Variants in NCKAP5L observed in about 807,000 individuals in gnomAD.
NCKAP5L encodes nck-associated protein 5-like.
In NCKAP5L, 54 loss-of-function variants were observed where a neutral mutation model predicts 103.2. That is an observed-to-expected ratio of 0.52 (90% CI 0.42 to 0.66). NCKAP5L has a LOEUF of 0.66. Ranked by LOEUF, NCKAP5L falls within the 30% of genes least tolerant of loss-of-function variation. The pLI is 0.00. For missense variants in NCKAP5L, 1,733 were observed against 1,750.6 expected (o/e 0.99, Z 0.18); for synonymous variants, 762 against 748.6 (o/e 1.02, Z -0.29).
intron 8 of NCKAP5L, among the ~76,000 whole-genome samples, chr12:49,794,158 C>T (rs539958016): frequency 6.6e-5 from 10 of 152,306 alleles, no homozygotes; most frequent in Admixed American, 5.9e-4. Flanking sequence ...AGCCTAGAGA[C>T]TGCTTGATGG....
intron 1 of NCKAP5L, among the ~76,000 whole-genome samples, chr12:49,810,147 A>G (rs1946223418): frequency 7.3e-6 from 1 of 137,264 alleles, no homozygotes; most frequent in Admixed American, 7.4e-5. Flanking sequence ...TCCACAGCAT[A>G]ACCCAGTAAC....
intron 10 of NCKAP5L, 59 bp from the exon 11 acceptor site, chr12:49,793,045 G>T: frequency 1.5e-6 from 2 of 1,308,292 alleles, no homozygotes; most frequent in Non-Finnish European, 2.0e-6. Context: ...TCCCCGGCCT[G>T]CCTCCACTTC....
Position 49,791,960 on chromosome 12 carries a change from C to A in NCKAP5L, c.3884G>T (p.Ser1295Ile). The A allele has an allele frequency of 6.2e-7, 1 of 1,611,318 alleles. No individual in the cohort carries two copies. Among genetic ancestry groups the A allele is most frequent in the African/African-American group, 1.3e-5 (1 of 75,006 alleles). Residue 1295 changes from serine (S) to isoleucine (I), a missense_variant, in exon 13 of 13, where the codon AGC becomes ATC. Coordinates refer to ENST00000335999, the MANE Select transcript of NCKAP5L (RefSeq NM_001037806.4). ...GCCTTCCTCGGCCATGTCCGAAGTG[C>A]TGGGGGTGCGGCTACCCCCGAAAGG... is the stretch of plus-strand genomic sequence containing the variant. ...GPPFGGSRTPSTSDMAEEGRV... is the reference protein window; with the variant it reads ...GPPFGGSRTPITSDMAEEGRV...
chr12:49,813,344 G>A (rs1215766802), intron 1 of NCKAP5L, among the ~76,000 whole-genome samples: 1 of 152,180 alleles, frequency 6.6e-6, no homozygotes, highest in South Asian at 2.1e-4. Flanking sequence ...CCCAGTAAGT[G>A]TGAAGTGAGA....
chr12:49,797,358 C>T lies in NCKAP5L; in HGVS notation c.502G>A (p.Gly168Ser), dbSNP rs1259609133. 2 of 1,610,126 alleles carry T rather than the reference C, an allele frequency of 1.2e-6. No homozygotes were observed. Among genetic ancestry groups the T allele is most frequent in the African/African-American group, 1.3e-5 (1 of 74,992 alleles). The change falls in exon 8 of 13, where the codon GGC becomes AGC. Residue 168 changes from glycine to serine, a missense_variant. Physicochemically the swap from Gly to Ser is moderately conservative, Grantham distance 56. Transcript: ENST00000335999. The surrounding 1 kb of genome is among the most constrained non-coding windows in gnomAD (Gnocchi z 4.5). ...WEQQLRPGGP[G>S]PPAAPPPALD... ...GCTGGGGGTGGGGCGGCTGGGGGGC[C>T]TGGGCCTCCTGGCCTCAGCTGCTGC... is the stretch of plus-strand genomic sequence containing the variant.
chr12:49,822,693 C>T (rs1391754000), intron 1 of NCKAP5L, among the ~76,000 whole-genome samples: 1 of 151,628 alleles, frequency 6.6e-6, no homozygotes, highest in Non-Finnish European at 1.5e-5. Flanking sequence ...ACTACAGGTT[C>T]ACACCACCAC....
In NCKAP5L at chr12:49,794,993, A is replaced by G; in HGVS notation, c.2867T>C (p.Met956Thr). 6.3e-7 allele frequency: 1 copy of G among 1,595,576 alleles called. No individual in the cohort carries two copies. Among genetic ancestry groups the G allele is most frequent in the Non-Finnish European group, 8.5e-7 (1 of 1,171,922 alleles). Reference protein sequence around the residue: ...GGSPLRREVKMEARKLEAESL... With the variant: ...GGSPLRREVKTEARKLEAESL... ...CTCGGCCTCCAGCTTCCGGGCTTCC[A>G]TCTTGACTTCCCTCCGGAGCGGGGA... The change falls in exon 8 of 13, where the codon ATG (methionine) becomes ACG (threonine). Residue 956 changes from methionine to threonine, a missense_variant. Met to Thr is a moderately conservative substitution (Grantham distance 81, BLOSUM62 -1). Transcript: ENST00000335999.
chr12:49,801,693 C>T (rs1390302523), intron 6 of NCKAP5L, among the ~76,000 whole-genome samples, 155 bp downstream of exon 6: 1 of 152,146 alleles, frequency 6.6e-6, no homozygotes, highest in African/African-American at 2.4e-5. Context: ...ACGGCCAAAC[C>T]CAGGGGACTT....
rs746983191 is a variant in NCKAP5L, at chr12:49,796,321, TG to T, written c.1538del (p.Pro513GlnfsTer75). 2 of 1,543,326 alleles carry T rather than the reference TG, an allele frequency of 1.3e-6. No individual in the cohort carries two copies. Among genetic ancestry groups the T allele is most frequent in the Non-Finnish European group, 1.7e-6 (2 of 1,145,048 alleles). On this transcript the variant is annotated frameshift_variant, in exon 8 of 13. Coordinates refer to ENST00000335999, the MANE Select transcript of NCKAP5L (RefSeq NM_001037806.4). LOFTEE classifies it high-confidence loss of function. ...TGGTGGGCAGGCCTTGCGCCCCCTC[TG>T]GGGACAGCTCTCCTCCACCCAGACC... ...RRGLGGGELS[P>X]EGAQGLPTSP...
chr12:49,797,071 ACCC>A lies in NCKAP5L; in HGVS notation c.786_788del (p.Gly263del). The A allele has an allele frequency of 6.3e-7, 1 of 1,576,840 alleles. No individual in the cohort carries two copies. The highest frequency in any genetic ancestry group is 8.6e-7 in the Non-Finnish European group (1 of 1,162,064). ...GCCCAGTGTCCTCTTCCCCTCCCAGACCCCCCAAGAGGCGCTCCCAGTGCAGCA... is the reference window on the plus strand; with the variant it reads ...GCCCAGTGTCCTCTTCCCCTCCCAGACCCAAGAGGCGCTCCCAGTGCAGCA... On this transcript the variant is annotated inframe_deletion, in exon 8 of 13. Transcript: ENST00000335999. The surrounding 1 kb of genome is among the most constrained non-coding windows in gnomAD (Gnocchi z 4.5).
chr12:49,800,136 G>A (rs747881261), intron 6 of NCKAP5L, among the ~76,000 whole-genome samples: 10 of 152,180 alleles, frequency 6.6e-5, no homozygotes, highest in Non-Finnish European at 1.5e-4. Context: ...CAGAGGTTGC[G>A]GTGAGCCGAG....
In NCKAP5L at chr12:49,797,536, A is replaced by C. The variant is rs573879057; in HGVS notation, c.466-142T>G. 513 of 645,624 alleles carry C rather than the reference A, an allele frequency of 7.9e-4. 1 individual carries two copies. Among genetic ancestry groups the C allele is most frequent in the Non-Finnish European group, 1.2e-3 (447 of 377,128 alleles). The allele number at this position is 645,624 out of a possible 1,614,324, so 40.0% of individuals were successfully genotyped here. A position where few individuals can be genotyped will look rare whatever the true frequency, so the allele number is the denominator to read the frequency against. ...GTCTGTGTCCCCAAAAGGAATTAAC[A>C]GCAACTGGGATATGATGGTTCCGCT... On this transcript the variant is annotated intron_variant, in intron 7 of 12. Transcript: ENST00000335999. The surrounding 1 kb of genome is among the most constrained non-coding windows in gnomAD (Gnocchi z 4.5).
At position 49,795,950 on chromosome 12, in the gene NCKAP5L, G is replaced by A; in HGVS notation, c.1910C>T (p.Thr637Ile). The change falls in exon 8 of 13, where the codon ACC becomes ATC. Residue 637 changes from threonine to isoleucine, a missense_variant. Coordinates refer to ENST00000335999, the MANE Select transcript of NCKAP5L (RefSeq NM_001037806.4). Reference sequence around the variant, plus strand: ...GGGCTTCTTGGATGAGTTGCCTGGGGTCCTGCGGCCGGGATGGGGAGACTC... The same window carrying A: ...GGGCTTCTTGGATGAGTTGCCTGGGATCCTGCGGCCGGGATGGGGAGACTC... ...GSESPHPGRR[T>I]PGNSSKKPSQ... The A allele has an allele frequency of 1.3e-6, 2 of 1,530,554 alleles. No homozygotes were observed. The highest frequency in any genetic ancestry group is 1.7e-6 in the Non-Finnish European group (2 of 1,145,864). The allele number at this position is 1,530,554 out of a possible 1,614,324, so 94.8% of individuals were successfully genotyped here. A position where few individuals can be genotyped will look rare whatever the true frequency, so the allele number is the denominator to read the frequency against.
chr12:49,796,755 G>T lies in NCKAP5L; in HGVS notation c.1105C>A (p.Gln369Lys). 6.2e-7 allele frequency: 1 copy of T among 1,613,428 alleles called. No individual in the cohort carries two copies. The highest frequency in any genetic ancestry group is 1.1e-5 in the South Asian group (1 of 91,048). Residue 369 changes from glutamine to lysine, a missense_variant, in exon 8 of 13, where the codon CAG becomes AAG. Physicochemically the swap from Gln to Lys is moderately conservative, Grantham distance 53. Transcript: ENST00000335999. ...GGGAGGCCTTTGGACTTAGACAGCT[G>T]TGGGGGCGCCTGGTCTGGGGAGGAT... ...QSSSPDQAPP[Q>K]LSKSKGLPKS...
intron 1 of NCKAP5L, among the ~76,000 whole-genome samples, chr12:49,810,184 GGAGGGAAGGGGGTGGGGA>G (rs559793929): frequency 2.1e-5 from 3 of 139,954 alleles, no homozygotes; most frequent in Admixed American, 1.4e-4. Context: ...GGGGGTGGGG[GGAGGGAAGGGGGTGGGGA>G]GAGGGAAGGG....
In NCKAP5L at chr12:49,792,802, T is replaced by C. The variant is rs138292278; in HGVS notation, c.3525A>G (p.Thr1175=). The change falls in exon 11 of 13, where the codon ACA becomes ACG. Residue 1175 remains threonine (T), a synonymous_variant. Coordinates refer to ENST00000335999, the MANE Select transcript of NCKAP5L (RefSeq NM_001037806.4). The surrounding 1 kb of genome is among the most constrained non-coding windows in gnomAD (Gnocchi z 4.5). ...CTATGCCTGGCACCTCCCGCTCCAG[T>C]GTGTGGGCGCGGCGGGGGACTTTGG... ...PLTKVPRRAH[T]LEREVPGIEE... 0.012 allele frequency: 18,411 copies of C among 1,595,604 alleles called. 171 individuals are homozygous for C. The highest frequency in any genetic ancestry group is 0.027 in the South Asian group (2,401 of 89,584).
In NCKAP5L at chr12:49,792,714, C is replaced by T. The variant is rs1263181726; in HGVS notation, c.3613G>A (p.Ala1205Thr). ...MPAFPALLPA[A>T]PGHRGHETCP... is the part of the protein sequence containing the mutation. Reference sequence around the variant, plus strand: ...GTCTCATGGCCCCGGTGGCCCGGAGCAGCGGGTAGCAGTGCAGGGAAGGCT... The same window carrying T: ...GTCTCATGGCCCCGGTGGCCCGGAGTAGCGGGTAGCAGTGCAGGGAAGGCT... The change falls in exon 11 of 13, where the codon GCT (alanine) becomes ACT (threonine). Residue 1205 changes from alanine (A) to threonine (T), a missense_variant. Transcript: ENST00000335999. The surrounding 1 kb of genome is among the most constrained non-coding windows in gnomAD (Gnocchi z 4.5). 3 of 1,611,058 alleles carry T rather than the reference C, an allele frequency of 1.9e-6. No homozygotes were observed. Among genetic ancestry groups the T allele is most frequent in the Middle Eastern group, 1.7e-4 (1 of 6,040 alleles).
chr12:49,800,788 A>G (rs1325817611), intron 6 of NCKAP5L, among the ~76,000 whole-genome samples: 3 of 152,236 alleles, frequency 2.0e-5, no homozygotes, highest in Admixed American at 6.5e-5. Flanking sequence ...TATTGGCCCA[A>G]ACCCCATGAG....
chr12:49,820,549 T>C (rs1946350271), intron 1 of NCKAP5L, among the ~76,000 whole-genome samples: 1 of 152,172 alleles, frequency 6.6e-6, no homozygotes, highest in Admixed American at 6.5e-5. Context: ...TCTCCTGACC[T>C]TGTGATCCAC....
Sources: gnomAD v4.1 joint callset for allele counts (sites outside exome capture counted in the v4.1 genomes callset) on GRCh38, gnomAD v4.1.1 for gene constraint, Gnocchi (gnomAD v3.1) non-coding constraint, MANE v1.5 for transcripts, NCBI Gene and HGNC (gene_info 2026-07-23, HGNC 2026-07-21) for gene names.